The following GMEB2 variants were observed in gnomAD, a reference collection of about 807,000 sequenced individuals.
The protein encoded by GMEB2 is glucocorticoid modulatory element-binding protein 2.
A neutral mutation model predicts 45.7 loss-of-function variants in GMEB2; 7 were observed. That is an observed-to-expected ratio of 0.15 (90% CI 0.09 to 0.29). GMEB2 has a LOEUF of 0.29. Ranked by LOEUF, GMEB2 falls within the 10% of genes least tolerant of loss-of-function variation. The probability of loss-of-function intolerance (pLI) is 1.00; values close to 1 mark genes in which losing one functional copy is unlikely to be tolerated. For missense variants in GMEB2, 582 were observed against 739.2 expected (o/e 0.79, Z 2.47); for synonymous variants, 322 against 323.6 (o/e 1.00, Z 0.05).
intron 2 of GMEB2, among the ~76,000 whole-genome samples, chr20:63,614,743 C>T (rs1400922067): frequency 1.3e-5 from 2 of 152,216 alleles, no homozygotes; most frequent in Admixed American, 6.5e-5. Context: ...TACTGAAAGT[C>T]TCTGATAAGC....
At chr20:63,621,076 T>C (rs887984386) in intron 1 of GMEB2, among the ~76,000 whole-genome samples, 11 of 152,170 alleles carry the variant, frequency 7.2e-5, no homozygotes, top group African/African-American at 2.4e-4. Context: ...AAAGCTGGGA[T>C]AGTCTCAGCT....
At chr20:63,591,484 T>TG (rs2083147088) in intron 9 of GMEB2, among the ~76,000 whole-genome samples, 1 of 151,834 alleles carries the variant, frequency 6.6e-6, no homozygotes, top group South Asian at 2.1e-4. Flanking sequence ...TGTTTTTTTT[T>TG]GAGACAGGGT....
intron 5 of GMEB2, among the ~76,000 whole-genome samples, chr20:63,596,427 A>G (rs1248327499): frequency 6.6e-6 from 1 of 152,238 alleles, no homozygotes; most frequent in Non-Finnish European, 1.5e-5. Context: ...CAGAGGCTCC[A>G]GCCTCATTCA....
intron 2 of GMEB2, among the ~76,000 whole-genome samples, chr20:63,618,823 G>A (rs1041419913): frequency 3.3e-5 from 5 of 152,192 alleles, no homozygotes; most frequent in African/African-American, 1.2e-4. Context: ...GCAAAACAAA[G>A]CTGGCAGTTT....
At chr20:63,604,069 A>C (rs951161262) in intron 3 of GMEB2, among the ~76,000 whole-genome samples, 1 of 145,776 alleles carries the variant, frequency 6.9e-6, no homozygotes, top group African/African-American at 2.6e-5. Flanking sequence ...AAAAAAAAAA[A>C]ACAGAATTTT....
intron 4 of GMEB2, among the ~76,000 whole-genome samples, chr20:63,599,777 T>G (rs938675585): frequency 2.0e-5 from 3 of 152,154 alleles, no homozygotes; most frequent in African/African-American, 7.2e-5. Flanking sequence ...TCCAGGGAGC[T>G]CTCACACGTG....
At chr20:63,610,304 A>G (rs1443116603) in intron 2 of GMEB2, among the ~76,000 whole-genome samples, 2 of 152,122 alleles carry the variant, frequency 1.3e-5, no homozygotes, top group South Asian at 2.1e-4. Context: ...GGCGGATCAC[A>G]AGGTCAGGAG....
chr20:63,601,910 G>A (rs919061654), intron 4 of GMEB2, among the ~76,000 whole-genome samples: 4 of 149,898 alleles, frequency 2.7e-5, no homozygotes, highest in Non-Finnish European at 3.0e-5. Flanking sequence ...TGTGGCTTCC[G>A]TGGGGCCTGT....
Position 63,593,839 on chromosome 20 carries a change from C to A in GMEB2, c.620-757G>T, listed in dbSNP as rs573825861. ...GAGTTCGAGAACAGCCTGGGCAACA[C>A]GGCAAAACCCCGTCTCTACTAAAAT... On this transcript the variant is annotated intron_variant, in intron 6 of 9. Coordinates refer to ENST00000370077, the MANE Select transcript of GMEB2 (RefSeq NM_012384.5). The surrounding 1 kb of genome is among the most constrained non-coding windows in gnomAD (Gnocchi z 4.7). Among the ~76,000 whole-genome samples, 1 of 152,178 alleles carries A rather than the reference C, an allele frequency of 6.6e-6. No individual in the cohort carries two copies. The highest frequency in any genetic ancestry group is 1.5e-5 in the Non-Finnish European group (1 of 68,036).
In GMEB2 at chr20:63,589,335, G is replaced by A. The variant is rs567259380; in HGVS notation, c.*754C>T. The A allele has an allele frequency of 2.8e-4, 111 of 398,222 alleles. No homozygotes were observed. Among genetic ancestry groups the A allele is most frequent in the Non-Finnish European group, 4.2e-4 (95 of 226,014 alleles). The allele number at this position is 398,222 out of a possible 1,614,324, so 24.7% of individuals were successfully genotyped here. On this transcript the variant is annotated 3_prime_UTR_variant, in exon 10 of 10. Transcript: ENST00000370077. ...CTAGGCACTCACCATTATTTTGGTT[G>A]AAAATGCTATAAATCTGACTCTTCC... is the stretch of plus-strand genomic sequence containing the variant.
chr20:63,594,965 C>T (rs1397885393), intron 6 of GMEB2, among the ~76,000 whole-genome samples: 1 of 152,110 alleles, frequency 6.6e-6, no homozygotes, highest in African/African-American at 2.4e-5. Flanking sequence ...GCCAGGCTGG[C>T]CTCAAGTGAT....
At chr20:63,609,849 CCT>C (rs2089555538) in intron 2 of GMEB2, among the ~76,000 whole-genome samples, 1 of 143,098 alleles carries the variant, frequency 7.0e-6, no homozygotes, top group Non-Finnish European at 1.5e-5. Context: ...GAAACATGCC[CCT>C]CTGACCTCAC....
intron 2 of GMEB2, among the ~76,000 whole-genome samples, chr20:63,611,480 C>T (rs1169590823): frequency 6.6e-6 from 1 of 152,060 alleles, no homozygotes; most frequent in Non-Finnish European, 1.5e-5. Context: ...GGCGTGGTGG[C>T]GGGTGCCTGT....
At chr20:63,597,095 CCTTT>C (rs1441358878) in intron 5 of GMEB2, among the ~76,000 whole-genome samples, 8 of 151,862 alleles carry the variant, frequency 5.3e-5, no homozygotes, top group South Asian at 4.2e-4. Flanking sequence ...CCAGATTATA[CCTTT>C]CTTTTATTTT....
At chr20:63,605,128 C>T (rs1445330295) in intron 2 of GMEB2, among the ~76,000 whole-genome samples, 1 of 151,828 alleles carries the variant, frequency 6.6e-6, no homozygotes, top group Non-Finnish European at 1.5e-5. Flanking sequence ...GTGGTACATG[C>T]CTGTAGAAGT....
At chr20:63,625,042 G>A (rs1053902777) in intron 1 of GMEB2, among the ~76,000 whole-genome samples, 1 of 152,120 alleles carries the variant, frequency 6.6e-6, no homozygotes, top group African/African-American at 2.4e-5. Flanking sequence ...AAAGCAATAT[G>A]CACAAAAGTT....
chr20:63,624,456 T>C (rs2089657388), intron 1 of GMEB2, among the ~76,000 whole-genome samples: 2 of 151,580 alleles, frequency 1.3e-5, no homozygotes, highest in South Asian at 2.1e-4. Context: ...AATTAAAAAA[T>C]AAAAATTTCA....
Position 63,603,076 on chromosome 20 carries a change from C to A in GMEB2, c.246G>T (p.Glu82Asp). Residue 82 changes from glutamate to aspartate, a missense_variant, in exon 4 of 10, where the codon GAG becomes GAT. By Grantham distance (45) the Glu-to-Asp change is conservative (BLOSUM62 2). This residue lies in a region of GMEB2 where 114 missense variants were observed against 123.4 expected (regional missense o/e 0.92). Coordinates refer to ENST00000370077, the MANE Select transcript of GMEB2 (RefSeq NM_012384.5). Reference protein sequence around the residue: ...KEAVLVKMAEEGENLEAEIVY... With the variant: ...KEAVLVKMAEDGENLEAEIVY... ...CAATCTCAGCTTCCAGGTTCTCCCC[C>A]TCTTCAGCCATCTTCACTTCTCACA... 2 of 1,614,104 alleles carry A rather than the reference C, an allele frequency of 1.2e-6. No individual in the cohort carries two copies. Among genetic ancestry groups the A allele is most frequent in the Non-Finnish European group, 1.7e-6 (2 of 1,179,984 alleles).
chr20:63,592,910 G>A lies in GMEB2; in HGVS notation c.691+101C>T. On this transcript the variant is annotated intron_variant, in intron 7 of 9. Coordinates refer to ENST00000370077, the MANE Select transcript of GMEB2 (RefSeq NM_012384.5). The surrounding 1 kb of genome is among the most constrained non-coding windows in gnomAD (Gnocchi z 8.2). ...GCCTTTCTCCACAAAGACCCTGCCG[G>A]CCCCACCTGGACTCCTGGAGCCCCT... The A allele has an allele frequency of 1.2e-6, 1 of 802,340 alleles. No homozygotes were observed. The allele number at this position is 802,340 out of a possible 1,614,324, so 49.7% of individuals were successfully genotyped here.
Sources: gnomAD v4.1 joint callset for allele counts (sites outside exome capture counted in the v4.1 genomes callset) on GRCh38, gnomAD v4.1.1 for gene constraint, gnomAD v4.1.1 regional missense constraint, Gnocchi (gnomAD v3.1) non-coding constraint, MANE v1.5 for transcripts, NCBI Gene and HGNC (gene_info 2026-07-23, HGNC 2026-07-21) for gene names.